LTF: variants seen among roughly 807,000 people sequenced by gnomAD.
LTF encodes the protein epididymis luminal protein 110.
LTF carries 91 observed loss-of-function variants against 87.2 expected under a neutral mutation model. The ratio of observed to expected loss-of-function variants is 1.04; its 90% CI spans 0.88 to 1.24. The LOEUF is 1.24. Among genes scored for constraint, LTF ranks in the 50% most tolerant of loss-of-function variants. LTF has a pLI of 0.00. For missense variants in LTF, 901 were observed against 904.3 expected (o/e 1.00, Z 0.05); for synonymous variants, 378 against 356.1 (o/e 1.06, Z -0.69).
At chr3:46,441,673 A>G (rs1465554628) in intron 13 of LTF, 190 bp from the exon 14 acceptor site, 1 of 543,760 alleles carries the variant, frequency 1.8e-6, no homozygotes. Context: ...TTAAAACCCT[A>G]TATAAAAGAC....
chr3:46,458,602 C>A (rs1271254012), intron 2 of LTF, among the ~76,000 whole-genome samples: 1 of 152,110 alleles, frequency 6.6e-6, no homozygotes, highest in African/African-American at 2.4e-5. Context: ...GAGATGGAGT[C>A]TCGCTCTTGT....
At chr3:46,482,761 GAAAGAAAGAAAGAAAGAA>G (rs1407333781) in intron 1 of LTF, among the ~76,000 whole-genome samples, 2 of 101,698 alleles carry the variant, frequency 2.0e-5, no homozygotes, top group East Asian at 6.2e-4. Context: ...GAAGGAAAGA[GAAAGAAAGAAAGAAAGAA>G]AAAGAAAGAA....
chr3:46,481,670 G>C (rs1703433236), intron 1 of LTF, among the ~76,000 whole-genome samples: 1 of 152,190 alleles, frequency 6.6e-6, no homozygotes, highest in African/African-American at 2.4e-5. Context: ...AGAATCACTT[G>C]AACCTGAAAG....
At chr3:46,482,874 G>C (rs1703470489) in intron 1 of LTF, among the ~76,000 whole-genome samples, 1 of 151,738 alleles carries the variant, frequency 6.6e-6, no homozygotes, top group Non-Finnish European at 1.5e-5. Context: ...GAGAAAGAGA[G>C]AGAAAGAAAA....
chr3:46,440,413 G>A (rs754695019), intron 14 of LTF, among the ~76,000 whole-genome samples: 15 of 152,216 alleles, frequency 9.9e-5, no homozygotes, highest in African/African-American at 2.4e-4. Context: ...GTAAAGTACC[G>A]GAGAAAGTTA....
chr3:46,461,367 C>A (rs527593717), intron 1 of LTF, among the ~76,000 whole-genome samples: 4 of 152,208 alleles, frequency 2.6e-5, no homozygotes, highest in African/African-American at 9.7e-5. Flanking sequence ...ATATTCATAG[C>A]AGTGTTATTT....
At chr3:46,472,037 C>T (rs1265786219) in intron 1 of LTF, among the ~76,000 whole-genome samples, 3 of 152,060 alleles carry the variant, frequency 2.0e-5, no homozygotes, top group Admixed American at 6.5e-5. Flanking sequence ...CTCCCTGTGT[C>T]GCTCTTTCTG....
At chr3:46,455,678 G>T in intron 4 of LTF, 118 bp downstream of exon 4, 2 of 1,277,444 alleles carry the variant, frequency 1.6e-6, no homozygotes, top group Non-Finnish European at 2.2e-6. Context: ...AAGCTGGCCA[G>T]CCTCACCCCC....
At chr3:46,450,102 G>A in intron 7 of LTF, 74 bp from the exon 8 acceptor site, 1 of 1,234,224 alleles carries the variant, frequency 8.1e-7, no homozygotes, top group Non-Finnish European at 1.1e-6. Context: ...TTAAAAAAGA[G>A]TATCTGGAGC....
intron 6 of LTF, 24 bp downstream of exon 6, chr3:46,454,281 C>T (rs1461428688): frequency 1.2e-6 from 2 of 1,611,882 alleles, no homozygotes; most frequent in South Asian, 2.2e-5. Flanking sequence ...GGTCAGTACC[C>T]ACGGCTCATT....
Position 46,436,218 on chromosome 3 carries a change from C to T in LTF, c.2110G>A (p.Ala704Thr), listed in dbSNP as rs919995079. 18 of 1,614,052 alleles carry T rather than the reference C, an allele frequency of 1.1e-5. No homozygotes were observed. The Admixed American group carries it at 2.2e-4, about 19-fold the overall frequency. The change falls in exon 17 of 17, where the codon GCC (alanine) becomes ACC (threonine). Residue 704 changes from alanine (A) to threonine (T), a missense_variant. Transcript: ENST00000231751. ...TTTTACTTCCTGAGGAATTCACAGG[C>T]TTCCAGGAGGGCTGTGGGACACAAC... ...KKCSTSPLLE[A>T]CEFLRK
chr3:46,477,859 T>G (rs1575329081), intron 1 of LTF, among the ~76,000 whole-genome samples: 1 of 152,218 alleles, frequency 6.6e-6, no homozygotes, highest in Non-Finnish European at 1.5e-5. Context: ...CCTGGGAATC[T>G]GCAAAGAGTT....
At chr3:46,449,731 T>A (rs1231818322) in intron 8 of LTF, 123 bp downstream of exon 8, 1 of 1,025,244 alleles carries the variant, frequency 9.8e-7, no homozygotes, top group African/African-American at 1.6e-5. Flanking sequence ...CACACCTGCA[T>A]CAAACCTCCA....
At chr3:46,467,220 T>TCATA (rs386396543), upstream of LTF, among the ~76,000 whole-genome samples, 1 of 151,878 alleles carries the variant, frequency 6.6e-6, no homozygotes, top group Non-Finnish European at 1.5e-5. Context: ...CAGCATTCAT[T>TCATA]CATTCATTCA....
chr3:46,445,309 GA>G lies in LTF; in HGVS notation c.1484del (p.Leu495ProfsTer70). On this transcript the variant is annotated frameshift_variant, in exon 12 of 17. Transcript: ENST00000231751. LOFTEE classifies it high-confidence loss of function. ...ATTTGCAGGAGCCCGTCTGGTTGAA[GA>G]GCAGGCCCATGGGGATATTCCAGCC... Reference protein sequence around the residue: ...TAGWNIPMGLLFNQTGSCKFD... With the variant: ...TAGWNIPMGLXFNQTGSCKFD... 6.2e-7 allele frequency: 1 copy of G among 1,612,392 alleles called. No homozygotes were observed. Among genetic ancestry groups the G allele is most frequent in the Non-Finnish European group, 8.5e-7 (1 of 1,179,282 alleles).
At chr3:46,442,540 A>G (rs1428307761) in intron 13 of LTF, among the ~76,000 whole-genome samples, 1 of 150,616 alleles carries the variant, frequency 6.6e-6, no homozygotes, top group Non-Finnish European at 1.5e-5. Context: ...TCGGGCTCTT[A>G]TGAGACATGT....
At chr3:46,467,212 G>GCATTCATT (rs10663529), upstream of LTF, among the ~76,000 whole-genome samples, 2,295 of 150,220 alleles carry the variant, frequency 0.015, 33 homozygotes, top group African/African-American at 0.039. Context: ...TCTATTAACA[G>GCATTCATT]CATTCATTCA....
chr3:46,455,352 TC>T lies in LTF; in HGVS notation c.589del (p.Glu197LysfsTer22), dbSNP rs571988865. 3.8e-4 allele frequency: 607 copies of T among 1,614,198 alleles called. 1 individual carries two copies. The African/African-American group carries it at 7.1e-3, about 19-fold the overall frequency. The part of the protein sequence containing the change: ...NLCRLCAGTG[E>X]NKCAFSSQEP... Reference sequence around the variant, plus strand: ...CTGGGAGGAGAAGGCACATTTGTTTTCCCCTGTCCCCGCACACAGGCGACAC... The same window carrying T: ...CTGGGAGGAGAAGGCACATTTGTTTTCCCTGTCCCCGCACACAGGCGACAC... On this transcript the variant is annotated frameshift_variant, in exon 5 of 17. Coordinates refer to ENST00000231751, the MANE Select transcript of LTF (RefSeq NM_002343.6). LOFTEE classifies it high-confidence loss of function.
intron 6 of LTF, among the ~76,000 whole-genome samples, chr3:46,453,561 G>A (rs1387407226): frequency 6.6e-6 from 1 of 151,896 alleles, no homozygotes; most frequent in East Asian, 1.9e-4. Flanking sequence ...TGATGGTCCT[G>A]AGTGAATGTG....
Sources: gnomAD v4.1 joint callset for allele counts (sites outside exome capture counted in the v4.1 genomes callset) on GRCh38, gnomAD v4.1.1 for gene constraint, MANE v1.5 for transcripts, NCBI Gene and HGNC (gene_info 2026-07-23, HGNC 2026-07-21) for gene names.